Variants in SLC35F3 observed in about 807,000 individuals in gnomAD.
SLC35F3 encodes solute carrier family 35 member F3.
SLC35F3 carries 25 observed loss-of-function variants against 49.9 expected under a neutral mutation model. The ratio of observed to expected loss-of-function variants is 0.50; its 90% confidence interval spans 0.37 to 0.70. The LOEUF is 0.70. Ranked by LOEUF, SLC35F3 falls within the 30% of genes least tolerant of loss-of-function variation. The pLI is 0.00. For missense variants in SLC35F3, 525 were observed against 639.8 expected (o/e 0.82, Z 1.94); for synonymous variants, 275 against 265.4 (o/e 1.04, Z -0.35).
intron 4 of SLC35F3, among the ~76,000 whole-genome samples, chr1:234,311,261 C>CACT (rs1335207584): frequency 6.6e-6 from 1 of 152,216 alleles, no homozygotes; most frequent in African/African-American, 2.4e-5. Flanking sequence ...CATCATGAGA[C>CACT]ACTGCCATGT....
At position 233,957,169 on chromosome 1, in the gene SLC35F3, G is replaced by A. The variant is rs1361682078; in HGVS notation, c.283+51411G>A. Among the ~76,000 whole-genome samples the A allele has an allele frequency of 1.3e-5, 2 of 152,188 alleles. No individual in the cohort carries two copies. The highest frequency in any genetic ancestry group is 1.3e-4 in the Admixed American group (2 of 15,284). On this transcript the variant is annotated intron_variant, in intron 2 of 7. Coordinates refer to ENST00000366618, the MANE Select transcript of SLC35F3 (RefSeq NM_173508.4). The surrounding 1 kb of genome is among the most constrained non-coding windows in gnomAD (Gnocchi z 4.0). Reference sequence around the variant, plus strand: ...ATAAAAGCTCTCACCCCTATTCCAAGACCTGGATCACAGTCTAGTTTCCAG... The same window carrying A: ...ATAAAAGCTCTCACCCCTATTCCAAAACCTGGATCACAGTCTAGTTTCCAG...
chr1:234,083,578 T>C (rs985970687), intron 2 of SLC35F3, among the ~76,000 whole-genome samples: 1 of 152,228 alleles, frequency 6.6e-6, no homozygotes, highest in Non-Finnish European at 1.5e-5. Context: ...GCACCCTCGA[T>C]GTCTTCATTC....
chr1:234,197,841 T>C (rs1055831569), intron 2 of SLC35F3, among the ~76,000 whole-genome samples: 2 of 152,242 alleles, frequency 1.3e-5, no homozygotes, highest in African/African-American at 4.8e-5. Context: ...AATGTGAGCA[T>C]GTTTGCAGCA....
intron 2 of SLC35F3, among the ~76,000 whole-genome samples, chr1:234,196,389 T>TCTG (rs758445637): frequency 5.3e-5 from 8 of 152,032 alleles, no homozygotes; most frequent in African/African-American, 1.4e-4. Flanking sequence ...GAGCAGTACC[T>TCTG]CTGCTGCTGC....
intron 2 of SLC35F3, among the ~76,000 whole-genome samples, chr1:234,139,913 A>G (rs941629495): frequency 2.1e-5 from 3 of 145,708 alleles, no homozygotes; most frequent in Non-Finnish European, 4.5e-5. Context: ...GTGCCCCTGC[A>G]CTCCAGCCTG....
chr1:233,980,773 A>G (rs1336779666), intron 2 of SLC35F3, among the ~76,000 whole-genome samples: 1 of 152,242 alleles, frequency 6.6e-6, no homozygotes, highest in Non-Finnish European at 1.5e-5. Context: ...CTCCCTTCAC[A>G]TCGTACTGTC....
intron 2 of SLC35F3, among the ~76,000 whole-genome samples, chr1:233,934,794 T>A (rs1381636125): frequency 1.3e-5 from 1 of 77,788 alleles, no homozygotes; most frequent in Admixed American, 1.1e-4. Context: ...CAAAGGTAGC[T>A]CCCTATGCAG....
At chr1:234,043,623 A>C (rs1664253535) in intron 2 of SLC35F3, among the ~76,000 whole-genome samples, 1 of 152,190 alleles carries the variant, frequency 6.6e-6, no homozygotes, top group Non-Finnish European at 1.5e-5. Flanking sequence ...AAGGAAAAAA[A>C]TTAGTATTAT....
intron 2 of SLC35F3, among the ~76,000 whole-genome samples, chr1:234,171,679 GA>G (rs1364091544): frequency 1.3e-5 from 2 of 152,152 alleles, no homozygotes; most frequent in Admixed American, 6.5e-5. Flanking sequence ...AGGGTAGGAG[GA>G]AAGAGAGGAT....
chr1:233,932,043 G>C (rs1179940151), intron 2 of SLC35F3, among the ~76,000 whole-genome samples: 1 of 152,050 alleles, frequency 6.6e-6, no homozygotes, highest in Non-Finnish European at 1.5e-5. Context: ...TATCACAAGA[G>C]CAGAAAACCA....
intron 2 of SLC35F3, among the ~76,000 whole-genome samples, chr1:234,130,241 G>A (rs1490574563): frequency 6.6e-6 from 1 of 152,054 alleles, no homozygotes; most frequent in Non-Finnish European, 1.5e-5. Flanking sequence ...TTATCCAAAT[G>A]GCCAATAAGC....
At chr1:234,038,560 A>T (rs1407523143) in intron 2 of SLC35F3, among the ~76,000 whole-genome samples, 2 of 152,146 alleles carry the variant, frequency 1.3e-5, no homozygotes, top group South Asian at 4.1e-4. Flanking sequence ...CAATGGTTGA[A>T]CTAGTTTACA....
At position 234,215,633 on chromosome 1, in the gene SLC35F3, G is replaced by A. The variant is rs564691415; in HGVS notation, c.284-15784G>A. On this transcript the variant is annotated intron_variant, in intron 2 of 7. Transcript: ENST00000366618. Reference sequence around the variant, plus strand: ...GCTTCTGCCCTTCCCAGGAAGCCTGGACTTCTCTAGGCTACTGTTGACCCT... The same window carrying A: ...GCTTCTGCCCTTCCCAGGAAGCCTGAACTTCTCTAGGCTACTGTTGACCCT... 1.3e-4 allele frequency among the ~76,000 whole-genome samples: 20 copies of A among 152,332 alleles called. No individual in the cohort carries two copies. In the East Asian group the frequency reaches 3.3e-3, roughly 25 times the overall value.
chr1:234,021,422 C>G (rs1239496802), intron 2 of SLC35F3, among the ~76,000 whole-genome samples: 1 of 152,192 alleles, frequency 6.6e-6, no homozygotes, highest in Admixed American at 6.5e-5. Flanking sequence ...AATGAGAAAG[C>G]TGGAAAGTTT....
chr1:233,937,180 A>G (rs918977654), intron 2 of SLC35F3, among the ~76,000 whole-genome samples: 1 of 152,230 alleles, frequency 6.6e-6, no homozygotes, highest in African/African-American at 2.4e-5. Flanking sequence ...CTGAACCTTA[A>G]TGTAATGAAA....
intron 2 of SLC35F3, among the ~76,000 whole-genome samples, chr1:234,023,804 C>T (rs907361498): frequency 9.3e-5 from 14 of 150,698 alleles, no homozygotes; most frequent in East Asian, 5.9e-4. Flanking sequence ...AGCCCAATAA[C>T]GCCAATCTAG....
intron 2 of SLC35F3, among the ~76,000 whole-genome samples, chr1:234,099,163 AT>A (rs1046780991): frequency 3.9e-5 from 6 of 152,292 alleles, no homozygotes; most frequent in African/African-American, 1.4e-4. Context: ...CATAACCACA[AT>A]GATGGAGGTC....
Position 234,098,337 on chromosome 1 carries a change from TTGG to T in SLC35F3, c.284-133067_284-133065del, listed in dbSNP as rs570257543. On this transcript the variant is annotated intron_variant, in intron 2 of 7. Coordinates refer to ENST00000366618, the MANE Select transcript of SLC35F3 (RefSeq NM_173508.4). ...GGTGATGATGGAGGTGGTGATTGTG[TTGG>T]TGGTGGTGGTGGCAGTTCAGATGGT... 3.9e-3 allele frequency among the ~76,000 whole-genome samples: 435 copies of T among 110,382 alleles called. 2 individuals are homozygous for T. The highest frequency in any genetic ancestry group is 0.015 in the Middle Eastern group (2 of 134). 72.4% of individuals were successfully genotyped at this position (110,382 alleles called of 152,430 possible).
At chr1:234,287,273 C>T (rs979314898) in intron 3 of SLC35F3, among the ~76,000 whole-genome samples, 3 of 152,190 alleles carry the variant, frequency 2.0e-5, no homozygotes, top group African/African-American at 7.2e-5. Flanking sequence ...TTGCCACATA[C>T]ACTCTCATTT....
Sources: allele counts gnomAD v4.1 joint callset (sites outside exome capture counted in the v4.1 genomes callset), GRCh38; gene constraint gnomAD v4.1.1; non-coding constraint Gnocchi (gnomAD v3.1); transcripts MANE v1.5; gene names NCBI Gene and HGNC (gene_info 2026-07-23, HGNC 2026-07-21).